The following RGMA variants were observed in gnomAD, a reference collection of about 807,000 sequenced individuals.
RGMA encodes repulsive guidance molecule BMP co-receptor a.
A neutral mutation model predicts 23.2 loss-of-function variants in RGMA; 10 were observed. The ratio of observed to expected loss-of-function variants is 0.43; its 90% CI spans 0.27 to 0.73. RGMA has a LOEUF of 0.73. Ranked by LOEUF, RGMA falls within the 30% of genes least tolerant of loss-of-function variation. The pLI is 0.20. For synonymous variants in RGMA, 308 were observed against 279.3 expected (o/e 1.10, Z -1.03); for missense variants, 547 against 630.5 (o/e 0.87, Z 1.42).
chr15:93,089,075 G>A lies in RGMA; in HGVS notation c.-143C>T. The A allele has an allele frequency of 2.4e-6, 1 of 418,132 alleles. No individual in the cohort carries two copies. Among genetic ancestry groups the A allele is most frequent in the East Asian group, 3.9e-5 (1 of 25,354 alleles). The allele number at this position is 418,132 out of a possible 1,614,324, so 25.9% of individuals were successfully genotyped here. A position where few individuals can be genotyped will look rare whatever the true frequency, so the allele number is the denominator to read the frequency against. ...CGCCGCCCCGGCCGGCTCAGCAGCG[G>A]CCCGGGGAGCGCCTCCTGCTCCCGG... On this transcript the variant is annotated 5_prime_UTR_variant, in exon 1 of 4. Coordinates refer to ENST00000329082, the MANE Select transcript of RGMA (RefSeq NM_020211.3).
At chr15:93,063,600 G>A (rs765013992) in intron 2 of RGMA, among the ~76,000 whole-genome samples, 16 of 152,330 alleles carry the variant, frequency 1.1e-4, no homozygotes, top group Admixed American at 2.6e-4. Context: ...CCAGGTGAGC[G>A]CGGGATTTTT....
intron 2 of RGMA, chr15:93,065,868 G>C: frequency 1.4e-6 from 1 of 739,096 alleles, no homozygotes; most frequent in Middle Eastern, 2.6e-4. Flanking sequence ...GGGGCTCTTT[G>C]GGCTCTACCC....
chr15:93,064,281 G>A (rs1242237990), intron 2 of RGMA, among the ~76,000 whole-genome samples: 25 of 152,204 alleles, frequency 1.6e-4, no homozygotes, highest in Admixed American at 1.6e-3. Flanking sequence ...AAGCTACTCC[G>A]AGTTCCACAA....
In RGMA at chr15:93,052,409, C is replaced by A. The variant is rs1167409323; in HGVS notation, c.229G>T (p.Ala77Ser). Residue 77 changes from alanine to serine, a missense_variant, in exon 3 of 4, where the codon GCA becomes TCA. Around this residue, in one of 3 missense-constraint regions of RGMA, gnomAD observed 214 missense variants for 234.7 expected, o/e 0.91. Transcript: ENST00000329082. The stretch of plus-strand genomic sequence containing the variant: ...CACAGGGCGTAGCTGCGCAAGGCTG[C>A]ACAGAACTCGGGGGTGTCGTCTGAG... ...PASDDTPEFC[A>S]ALRSYALCTR... 1 of 1,598,764 alleles carries A rather than the reference C, an allele frequency of 6.3e-7. No individual in the cohort carries two copies. The highest frequency in any genetic ancestry group is 2.2e-5 in the East Asian group (1 of 44,828).
rs185708978 is a variant in RGMA at position 93,082,390 on chromosome 15, T to C, written c.14+6529A>G. Among the ~76,000 whole-genome samples the C allele has an allele frequency of 4.7e-3, 716 of 152,346 alleles. 3 individuals are homozygous for C. The highest frequency in any genetic ancestry group is 8.2e-3 in the Non-Finnish European group (557 of 68,028). On this transcript the variant is annotated intron_variant, in intron 1 of 3. Coordinates refer to ENST00000329082, the MANE Select transcript of RGMA (RefSeq NM_020211.3). ...CCCCATGTAACCAGCGTCGTCATCTTAACTATGCCACGGGCACAGCCATTT... is the reference window on the plus strand; with the variant it reads ...CCCCATGTAACCAGCGTCGTCATCTCAACTATGCCACGGGCACAGCCATTT...
intron 1 of RGMA, chr15:93,073,534 A>C: frequency 6.8e-7 from 1 of 1,468,756 alleles, no homozygotes; most frequent in Non-Finnish European, 9.1e-7. Flanking sequence ...AAGTAGAAAA[A>C]CTGTCCTTGG....
In RGMA at chr15:93,038,569, G is replaced by GTTCTTTTTTT. The variant is rs1471553159; in HGVS notation, c.*6428_*6429insAAAAAAAGAA. On this transcript the variant is annotated 3_prime_UTR_variant, in exon 4 of 4. Coordinates refer to ENST00000329082, the MANE Select transcript of RGMA (RefSeq NM_020211.3). ...GCCTTAATGAACGAAACTGTTAGTT[G>GTTCTTTTTTT]TTTTTTTTTTTTTTTTGAGACGGTG... 1.0e-5 allele frequency: 1 copy of GTTCTTTTTTT among 100,224 alleles called. No individual in the cohort carries two copies. Among genetic ancestry groups the GTTCTTTTTTT allele is most frequent in the Admixed American group, 1.1e-4 (1 of 9,210 alleles). The allele number at this position is 100,224 out of a possible 1,614,324, so 6.2% of individuals were successfully genotyped here. A position where few individuals can be genotyped will look rare whatever the true frequency, so the allele number is the denominator to read the frequency against.
intron 1 of RGMA, chr15:93,088,585 C>G: frequency 9.4e-7 from 1 of 1,062,746 alleles, no homozygotes; most frequent in East Asian, 6.5e-5. Context: ...GTGGCCGGCT[C>G]CGTCCGGGGC....
chr15:93,069,885 C>T (rs1192417922), intron 2 of RGMA, among the ~76,000 whole-genome samples: 2 of 152,262 alleles, frequency 1.3e-5, no homozygotes, highest in Non-Finnish European at 2.9e-5. Flanking sequence ...TCTCTTGGAA[C>T]TCTTTTCGAA....
intron 2 of RGMA, chr15:93,066,076 C>A (rs138190890): frequency 1.3e-6 from 2 of 1,518,638 alleles, no homozygotes; most frequent in East Asian, 4.6e-5. Context: ...TGAGGGAGGC[C>A]GGGGGATGAA....
Position 93,044,629 on chromosome 15 carries a change from C to T in RGMA, c.*369G>A, listed in dbSNP as rs1232460289. 2 of 297,244 alleles carry T rather than the reference C, an allele frequency of 6.7e-6. No individual in the cohort carries two copies. The highest frequency in any genetic ancestry group is 1.3e-5 in the Non-Finnish European group (2 of 158,740). 18.4% of individuals were successfully genotyped at this position (297,244 alleles called of 1,614,324 possible). ...CACGGATCGGCGAGCAGCAGTCGGC[C>T]GGGCCTTTCAGTGCATTGCGAGGGG... is the stretch of plus-strand genomic sequence containing the variant. On this transcript the variant is annotated 3_prime_UTR_variant, in exon 4 of 4. Transcript: ENST00000329082.
At chr15:93,073,907 G>A (rs1396149776) in intron 1 of RGMA, 1 of 1,441,710 alleles carries the variant, frequency 6.9e-7, no homozygotes, top group East Asian at 2.5e-5. Flanking sequence ...GGCTATGCCG[G>A]TCCGCGTGGC....
Position 93,045,587 on chromosome 15 carries a change from C to T in RGMA, c.764G>A (p.Gly255Glu), listed in dbSNP as rs747682961. Reference sequence around the variant, plus strand: ...CTCAGTGATCTTCAGGCTGTTGGCCCCGTGCTTGTCCCCACCGTTCTTAGA... The same window carrying T: ...CTCAGTGATCTTCAGGCTGTTGGCCTCGTGCTTGTCCCCACCGTTCTTAGA... The part of the protein sequence containing the change: ...DGSKNGGDKH[G>E]ANSLKITEKV... Residue 255 changes from glycine to glutamate, a missense_variant, in exon 4 of 4, where the codon GGG becomes GAG. Physicochemically the swap from Gly to Glu is moderately conservative, Grantham distance 98 (BLOSUM62 -2). Coordinates refer to ENST00000329082, the MANE Select transcript of RGMA (RefSeq NM_020211.3). This position sits in a 1 kb window ranked among gnomAD's most constrained non-coding sequence, Gnocchi z 6.9. 5.0e-6 allele frequency: 8 copies of T among 1,613,310 alleles called. No homozygotes were observed. The highest frequency in any genetic ancestry group is 1.3e-5 in the African/African-American group (1 of 75,034).
intron 2 of RGMA, among the ~76,000 whole-genome samples, chr15:93,068,655 C>T (rs958571884): frequency 1.9e-4 from 29 of 152,250 alleles, no homozygotes; most frequent in Admixed American, 5.9e-4. Flanking sequence ...AGCCAATGCG[C>T]TGCTCTGCAG....
At chr15:93,065,345 G>A (rs562735221) in intron 2 of RGMA, among the ~76,000 whole-genome samples, 1 of 151,806 alleles carries the variant, frequency 6.6e-6, no homozygotes, top group East Asian at 1.9e-4. Context: ...GTTAGGGGAG[G>A]GGGTTGGTGT....
intron 2 of RGMA, among the ~76,000 whole-genome samples, chr15:93,053,066 A>T (rs2054954843): frequency 6.6e-6 from 1 of 152,196 alleles, no homozygotes; most frequent in African/African-American, 2.4e-5. Context: ...TTCACGGCCA[A>T]AACTCAATGA....
At chr15:93,086,119 T>A (rs1206908565) in intron 1 of RGMA, among the ~76,000 whole-genome samples, 2 of 152,282 alleles carry the variant, frequency 1.3e-5, no homozygotes, top group South Asian at 4.1e-4. Context: ...CAGGTTAAAT[T>A]TATGTTCAGT....
intron 3 of RGMA, among the ~76,000 whole-genome samples, chr15:93,049,050 G>A (rs755391357): frequency 2.2e-4 from 33 of 152,240 alleles, no homozygotes; most frequent in Non-Finnish European, 2.9e-4. Flanking sequence ...CGGTGCCAGG[G>A]ACTCAACCGC....
Position 93,045,028 on chromosome 15 carries a change from C to A in RGMA, c.1323G>T (p.Pro441=), listed in dbSNP as rs373569017. Residue 441 remains proline, a synonymous_variant, in exon 4 of 4, where the codon CCG becomes CCT. Transcript: ENST00000329082. This position sits in a 1 kb window ranked among gnomAD's most constrained non-coding sequence, Gnocchi z 6.9. The part of the protein sequence containing the change: ...APRPLLGALV[P]LLALLPVFC ...AGAACACAGGGAGCAGGGCCAGGAGCGGGACGAGGGCGCCCAGGAGGGGCC... is the reference window on the plus strand; with the variant it reads ...AGAACACAGGGAGCAGGGCCAGGAGAGGGACGAGGGCGCCCAGGAGGGGCC... The A allele has an allele frequency of 6.9e-6, 11 of 1,600,162 alleles. No homozygotes were observed. The African/African-American group carries it at 1.2e-4, about 18-fold the overall frequency.
Sources: gnomAD v4.1 joint callset for allele counts (sites outside exome capture counted in the v4.1 genomes callset) on GRCh38, gnomAD v4.1.1 for gene constraint, gnomAD v4.1.1 regional missense constraint, Gnocchi (gnomAD v3.1) non-coding constraint, MANE v1.5 for transcripts, NCBI Gene and HGNC (gene_info 2026-07-23, HGNC 2026-07-21) for gene names.